PEAK1: variants seen among roughly 807,000 people sequenced by gnomAD.
PEAK1 encodes the protein inactive tyrosine-protein kinase PEAK1.
Under a neutral mutation model 124.7 loss-of-function variants are expected in PEAK1, and 54 were observed. The ratio of observed to expected loss-of-function variants is 0.43; its 90% CI spans 0.35 to 0.54. The LOEUF (loss-of-function observed/expected upper bound fraction) is 0.54, where lower values mean the gene tolerates loss of function less well. PEAK1 is among the 20% of genes least tolerant of loss of function. The pLI is 0.01. For missense variants in PEAK1, 2,046 were observed against 2,134.5 expected (o/e 0.96, Z 0.82); for synonymous variants, 719 against 760.0 (o/e 0.95, Z 0.89).
intron 8 of PEAK1, among the ~76,000 whole-genome samples, chr15:77,140,357 C>T (rs559004712): frequency 7.2e-5 from 11 of 152,042 alleles, no homozygotes; most frequent in Admixed American, 3.9e-4. Flanking sequence ...GCTAGCAAAC[C>T]GAATCCAGCA....
intron 2 of PEAK1, among the ~76,000 whole-genome samples, chr15:77,318,316 G>A (rs2064998985): frequency 6.6e-6 from 1 of 152,138 alleles, no homozygotes; most frequent in Non-Finnish European, 1.5e-5. Context: ...CAGTAGACAG[G>A]AGATCTCTGT....
In PEAK1 at chr15:77,180,884, AAAG is replaced by A. The variant is rs769770212; in HGVS notation, c.1040_1042del (p.Ser347del). On this transcript the variant is annotated inframe_deletion, in exon 7 of 10. Coordinates refer to ENST00000682557, the MANE Select transcript of PEAK1 (RefSeq NM_001385026.1). ...TGTCTCAGAACGTGATTCTTCTGTTAAAGAAGAATCTGGTGATGTGGAGTCAGA... is the reference window on the plus strand; with the variant it reads ...TGTCTCAGAACGTGATTCTTCTGTTAAAGAATCTGGTGATGTGGAGTCAGA... The A allele has an allele frequency of 8.7e-6, 14 of 1,613,928 alleles. No homozygotes were observed. The highest frequency in any genetic ancestry group is 1.2e-5 in the Non-Finnish European group (14 of 1,179,994).
At chr15:77,403,616 C>A (rs1255777819) in intron 1 of PEAK1, 1 of 916,530 alleles carries the variant, frequency 1.1e-6, no homozygotes, top group East Asian at 1.2e-4. Context: ...ATATCATACC[C>A]TATACTAAGT....
At chr15:77,381,391 A>T in intron 1 of PEAK1, 1 of 824,472 alleles carries the variant, frequency 1.2e-6, no homozygotes, top group Non-Finnish European at 1.5e-6. Flanking sequence ...TAGCCACTGC[A>T]CTTCAGTTTG....
At chr15:77,374,491 C>T (rs190921643) in intron 1 of PEAK1, among the ~76,000 whole-genome samples, 49 of 151,996 alleles carry the variant, frequency 3.2e-4, no homozygotes, top group African/African-American at 1.2e-3. Context: ...CAGAATATTG[C>T]TAAGGTGGTG....
At chr15:77,343,568 C>T (rs546263628) in intron 2 of PEAK1, among the ~76,000 whole-genome samples, 1 of 150,208 alleles carries the variant, frequency 6.7e-6, no homozygotes, top group Admixed American at 6.7e-5. Flanking sequence ...CTTACTGCAA[C>T]GTCCACCCCC....
At chr15:77,333,945 CA>C (rs1226228341) in intron 2 of PEAK1, 1 of 401,226 alleles carries the variant, frequency 2.5e-6, no homozygotes, top group Non-Finnish European at 3.4e-6. Flanking sequence ...ACTTCTGAAT[CA>C]AAAATGTTAA....
intron 5 of PEAK1, among the ~76,000 whole-genome samples, chr15:77,267,305 T>C (rs1457051684): frequency 6.6e-6 from 1 of 152,068 alleles, no homozygotes; most frequent in Non-Finnish European, 1.5e-5. Context: ...GGATATAGCC[T>C]CTTGAGAGGT....
chr15:77,216,109 A>G (rs1038056168), intron 6 of PEAK1, among the ~76,000 whole-genome samples: 2 of 152,198 alleles, frequency 1.3e-5, no homozygotes, highest in Admixed American at 1.3e-4. Context: ...TTAAAACTGC[A>G]GTAAATTTAT....
At chr15:77,355,834 C>A in intron 2 of PEAK1, 2 of 985,314 alleles carry the variant, frequency 2.0e-6, no homozygotes, top group Non-Finnish European at 2.4e-6. Context: ...AAACTGCTGA[C>A]CCCCTCCCAG....
chr15:77,284,526 T>C (rs1212063903), intron 4 of PEAK1, among the ~76,000 whole-genome samples: 2 of 152,186 alleles, frequency 1.3e-5, no homozygotes, highest in Non-Finnish European at 2.9e-5. Context: ...TTCTATCATA[T>C]GTTGCTGTTC....
intron 1 of PEAK1, among the ~76,000 whole-genome samples, chr15:77,377,940 C>T (rs1289753076): frequency 6.6e-6 from 1 of 152,074 alleles, no homozygotes; most frequent in Non-Finnish European, 1.5e-5. Flanking sequence ...TTTACTTCAC[C>T]TAATAAAACT....
chr15:77,313,617 C>T (rs2064619740), intron 2 of PEAK1, among the ~76,000 whole-genome samples: 1 of 148,122 alleles, frequency 6.8e-6, no homozygotes, highest in Non-Finnish European at 1.5e-5. Context: ...CAGGCATGCA[C>T]CACCATGCCC....
chr15:77,237,794 AGAT>A (rs991053145), intron 6 of PEAK1, among the ~76,000 whole-genome samples: 1 of 152,162 alleles, frequency 6.6e-6, no homozygotes, highest in Non-Finnish European at 1.5e-5. Flanking sequence ...CAATTTACCA[AGAT>A]GATAATGAAA....
At chr15:77,400,786 T>C (rs1451770803) in intron 1 of PEAK1, among the ~76,000 whole-genome samples, 1 of 152,170 alleles carries the variant, frequency 6.6e-6, no homozygotes. Flanking sequence ...AAAGATATCA[T>C]AGCTGACTGC....
chr15:77,301,035 T>A (rs1340260027), intron 2 of PEAK1, among the ~76,000 whole-genome samples: 1 of 152,098 alleles, frequency 6.6e-6, no homozygotes, highest in Non-Finnish European at 1.5e-5. Context: ...TATTTTTTAG[T>A]AGAGATGGGG....
intron 2 of PEAK1, chr15:77,337,525 C>T (rs936377212): frequency 9.7e-5 from 96 of 984,928 alleles, no homozygotes; most frequent in Non-Finnish European, 1.1e-4. Flanking sequence ...ACACAAAATA[C>T]CAAACAGAAG....
chr15:77,321,557 C>T (rs562658418), intron 2 of PEAK1, among the ~76,000 whole-genome samples: 7 of 152,232 alleles, frequency 4.6e-5, no homozygotes, highest in Non-Finnish European at 8.8e-5. Context: ...TGGATATTAG[C>T]CCTTTGTCAG....
At chr15:77,345,135 TAC>T (rs2066792347) in intron 2 of PEAK1, among the ~76,000 whole-genome samples, 1 of 152,190 alleles carries the variant, frequency 6.6e-6, no homozygotes, top group Admixed American at 6.5e-5. Flanking sequence ...AGCAAAACCT[TAC>T]AGTTTTCCAC....
Sources: allele counts gnomAD v4.1 joint callset (sites outside exome capture counted in the v4.1 genomes callset), GRCh38; gene constraint gnomAD v4.1.1; transcripts MANE v1.5; gene names NCBI Gene and HGNC (gene_info 2026-07-23, HGNC 2026-07-21).